The following SELENOI variants were observed in gnomAD, a reference collection of about 807,000 sequenced individuals.
SELENOI encodes selenoprotein I.
Under a neutral mutation model 50.7 loss-of-function variants are expected in SELENOI, and 24 were observed. The observed-to-expected ratio is 0.47, with a 90% confidence interval of 0.34 to 0.67. The LOEUF is 0.67. Ranked by LOEUF, SELENOI falls within the 30% of genes least tolerant of loss-of-function variation. SELENOI has a pLI of 0.01. For missense variants in SELENOI, 352 were observed against 461.4 expected (o/e 0.76, Z 2.17); for synonymous variants, 155 against 170.2 (o/e 0.91, Z 0.70).
chr2:26,393,414 CT>C lies in SELENOI; in HGVS notation c.*4312del, dbSNP rs1363974235. On this transcript the variant is annotated 3_prime_UTR_variant, in exon 10 of 10. Coordinates refer to ENST00000260585, the MANE Select transcript of SELENOI (RefSeq NM_033505.4). ...TTTAAAGCAGGGATCTGCTCCCTATCTAGACAGATCTTTTAATGCATTAATA... is the reference window on the plus strand; with the variant it reads ...TTTAAAGCAGGGATCTGCTCCCTATCAGACAGATCTTTTAATGCATTAATA... 6.6e-6 allele frequency: 1 copy of C among 152,616 alleles called. No individual in the cohort carries two copies. Among genetic ancestry groups the C allele is most frequent in the African/African-American group, 2.4e-5 (1 of 41,428 alleles). 9.5% of individuals were successfully genotyped at this position (152,616 alleles called of 1,614,324 possible). A position where few individuals can be genotyped will look rare whatever the true frequency, so the allele number is the denominator to read the frequency against.
At chr2:26,357,478 G>T (rs930264628) in intron 1 of SELENOI, among the ~76,000 whole-genome samples, 10 of 152,164 alleles carry the variant, frequency 6.6e-5, no homozygotes, top group Admixed American at 6.5e-4. Context: ...TTAAACAACA[G>T]AATTTTAATT....
chr2:26,354,700 G>A (rs1677031844), intron 1 of SELENOI, among the ~76,000 whole-genome samples: 1 of 152,010 alleles, frequency 6.6e-6, no homozygotes, highest in South Asian at 2.1e-4. Flanking sequence ...GGTACTGGCT[G>A]TTTTTGTGTA....
chr2:26,387,827 T>G (rs1677879732), intron 9 of SELENOI, among the ~76,000 whole-genome samples: 1 of 152,220 alleles, frequency 6.6e-6, no homozygotes, highest in Non-Finnish European at 1.5e-5. Flanking sequence ...GTATTCACAT[T>G]TTTATGACTC....
chr2:26,386,091 G>C (rs530180536), intron 8 of SELENOI, among the ~76,000 whole-genome samples: 1 of 152,088 alleles, frequency 6.6e-6, no homozygotes, highest in East Asian at 1.9e-4. Flanking sequence ...CTGTTGCCCA[G>C]TGGGAGAATG....
chr2:26,372,960 C>T (rs1423445981), intron 4 of SELENOI, among the ~76,000 whole-genome samples: 4 of 152,220 alleles, frequency 2.6e-5, no homozygotes, highest in African/African-American at 9.6e-5. Context: ...ATGATCATAG[C>T]TCACTGCAGG....
intron 6 of SELENOI, among the ~76,000 whole-genome samples, chr2:26,380,226 C>G (rs1677657102): frequency 6.6e-6 from 1 of 152,104 alleles, no homozygotes; most frequent in African/African-American, 2.4e-5. Context: ...TGTTGTTACC[C>G]AATCCTTTCT....
chr2:26,356,069 G>T (rs890450343), intron 1 of SELENOI, among the ~76,000 whole-genome samples: 1 of 152,162 alleles, frequency 6.6e-6, no homozygotes, highest in Non-Finnish European at 1.5e-5. Flanking sequence ...CTCAAGTCTT[G>T]TATTGATTAA....
rs1187458655 is a variant in SELENOI at position 26,349,286 on chromosome 2, A to C, written c.57+2997A>C. Among the ~76,000 whole-genome samples, 9 of 139,192 alleles carry C rather than the reference A, an allele frequency of 6.5e-5. No individual in the cohort carries two copies. In the East Asian group the frequency reaches 1.2e-3, roughly 19 times the overall value. 91.3% of individuals were successfully genotyped at this position (139,192 alleles called of 152,430 possible). ...TGGCCTCCCAGAGTGCTGAGATTACAGGCATGAGCCACCACACTTGTCTTT... is the reference window on the plus strand; with the variant it reads ...TGGCCTCCCAGAGTGCTGAGATTACCGGCATGAGCCACCACACTTGTCTTT... On this transcript the variant is annotated intron_variant, in intron 1 of 9. Transcript: ENST00000260585.
At chr2:26,372,647 T>C (rs1387396167) in intron 4 of SELENOI, among the ~76,000 whole-genome samples, 1 of 152,202 alleles carries the variant, frequency 6.6e-6, no homozygotes, top group Non-Finnish European at 1.5e-5. Context: ...TACTTTTGGA[T>C]CCTAGAGCAA....
chr2:26,373,406 G>C lies in SELENOI; in HGVS notation c.350G>C (p.Ser117Thr). 6.2e-7 allele frequency: 1 copy of C among 1,612,318 alleles called. No homozygotes were observed. Among genetic ancestry groups the C allele is most frequent in the Non-Finnish European group, 8.5e-7 (1 of 1,179,054 alleles). The change falls in exon 5 of 10, where the codon AGC becomes ACC. Residue 117 changes from serine (S) to threonine (T), a missense_variant. Coordinates refer to ENST00000260585, the MANE Select transcript of SELENOI (RefSeq NM_033505.4). ...DGKQARRTNS[S>T]TPLGELFDHG... ...AAGCAAGCTCGCAGAACCAATTCTA[G>C]CACTCCCTTAGGGGAGCTTTTTGAT... is the stretch of plus-strand genomic sequence containing the variant.
intron 8 of SELENOI, among the ~76,000 whole-genome samples, chr2:26,386,042 G>A (rs764455983): frequency 2.6e-5 from 4 of 151,708 alleles, no homozygotes; most frequent in African/African-American, 4.8e-5. Context: ...TTAACATATC[G>A]TAGAATCTTA....
Position 26,389,100 on chromosome 2 carries a change from G to A in SELENOI, c.1191G>A (p.Leu397=), listed in dbSNP as rs980979843. 12 of 1,563,330 alleles carry A rather than the reference G, an allele frequency of 7.7e-6. No individual in the cohort carries two copies. The highest frequency in any genetic ancestry group is 1.4e-5 in the African/African-American group (1 of 73,792). The change falls in exon 10 of 10, where the codon CTG becomes CTA. Residue 397 remains leucine, a synonymous_variant. Coordinates refer to ENST00000260585, the MANE Select transcript of SELENOI (RefSeq NM_033505.4). ...GAATGGAAGAAAAGAATATTGGCCT[G>A]TAATAATCTTTCTTTGGGCACAAAG... ...ULGMEEKNIG[L]
chr2:26,378,040 T>C (rs910847483), intron 6 of SELENOI, among the ~76,000 whole-genome samples: 1 of 152,188 alleles, frequency 6.6e-6, no homozygotes, highest in African/African-American at 2.4e-5. Context: ...TGTCTCTGTT[T>C]GGTTATTTTC....
chr2:26,352,520 C>T (rs1040176642), intron 1 of SELENOI, among the ~76,000 whole-genome samples: 17 of 152,178 alleles, frequency 1.1e-4, no homozygotes, highest in Non-Finnish European at 2.1e-4. Flanking sequence ...TGCGGTGGCT[C>T]ACGCCTGTAA....
In SELENOI at chr2:26,393,898, A is replaced by G. The variant is rs1026466111; in HGVS notation, c.*4795A>G. On this transcript the variant is annotated 3_prime_UTR_variant, in exon 10 of 10. Coordinates refer to ENST00000260585, the MANE Select transcript of SELENOI (RefSeq NM_033505.4). ...TAATGTCTTCTCTTGAGGAGTTTCT[A>G]TGGGTAGCAATTAAAATTAGAATTT... is the stretch of plus-strand genomic sequence containing the variant. 5 of 152,330 alleles carry G rather than the reference A, an allele frequency of 3.3e-5. No individual in the cohort carries two copies. Among genetic ancestry groups the G allele is most frequent in the South Asian group, 4.1e-4 (2 of 4,822 alleles). 9.4% of individuals were successfully genotyped at this position (152,330 alleles called of 1,614,324 possible). A position where few individuals can be genotyped will look rare whatever the true frequency, so the allele number is the denominator to read the frequency against.
At chr2:26,349,103 C>G (rs1421622091) in intron 1 of SELENOI, among the ~76,000 whole-genome samples, 2 of 144,984 alleles carry the variant, frequency 1.4e-5, no homozygotes, top group African/African-American at 5.1e-5. Context: ...GAAACCTCCG[C>G]CTCCTGCGTT....
At chr2:26,374,839 G>C (rs942074053) in intron 5 of SELENOI, among the ~76,000 whole-genome samples, 1 of 152,112 alleles carries the variant, frequency 6.6e-6, no homozygotes, top group Non-Finnish European at 1.5e-5. Flanking sequence ...CAGAGTGCTG[G>C]GATTACAGGC....
rs145382789 is a variant in SELENOI, at chr2:26,357,715, A to G, written c.58-6587A>G. Among the ~76,000 whole-genome samples the G allele has an allele frequency of 2.6e-5, 4 of 152,248 alleles. No homozygotes were observed. The East Asian group carries it at 7.7e-4, about 29-fold the overall frequency. ...TGTCCTCTTCTTACATAATACTCGG[A>G]TAATTCCCTTTGTAGTATTTATCAC... On this transcript the variant is annotated intron_variant, in intron 1 of 9. Transcript: ENST00000260585.
rs369063246 is a variant in SELENOI at position 26,386,332 on chromosome 2, A to G, written c.913-22A>G. ...TGAAATTTTTCTTTTTTTCTCTCTT[A>G]TTTTTTTAAATTGACGTCCAGTGTC... is the stretch of plus-strand genomic sequence containing the variant. On this transcript the variant is annotated intron_variant, in intron 8 of 9. Transcript: ENST00000260585. 10 of 1,585,384 alleles carry G rather than the reference A, an allele frequency of 6.3e-6. No homozygotes were observed. The African/African-American group carries it at 1.4e-4, about 22-fold the overall frequency.
Sources: gnomAD v4.1 joint callset for allele counts (sites outside exome capture counted in the v4.1 genomes callset) on GRCh38, gnomAD v4.1.1 for gene constraint, MANE v1.5 for transcripts, NCBI Gene and HGNC (gene_info 2026-07-23, HGNC 2026-07-21) for gene names.